The following ATP9A variants were observed in gnomAD, a reference collection of about 807,000 sequenced individuals.
ATP9A encodes the protein ATPase phospholipid transporting 9A.
Under a neutral mutation model 144.1 loss-of-function variants are expected in ATP9A, and 52 were observed. That is an observed-to-expected ratio of 0.36 (90% CI 0.29 to 0.45). The LOEUF (loss-of-function observed/expected upper bound fraction) is 0.45. Ranked by LOEUF, ATP9A falls within the 20% of genes least tolerant of loss-of-function variation. The pLI is 1.00. For missense variants in ATP9A, 947 were observed against 1,392.7 expected (o/e 0.68, Z 5.09); for synonymous variants, 582 against 557.4 (o/e 1.04, Z -0.62).
chr20:51,631,722 G>A (rs1481236665), intron 15 of ATP9A, among the ~76,000 whole-genome samples: 1 of 152,206 alleles, frequency 6.6e-6, no homozygotes, highest in Non-Finnish European at 1.5e-5. Flanking sequence ...TTTTAGTCCA[G>A]CAATGACAGC....
At chr20:51,636,575 G>A (rs1336942986) in intron 15 of ATP9A, among the ~76,000 whole-genome samples, 1 of 148,336 alleles carries the variant, frequency 6.7e-6, no homozygotes, top group East Asian at 1.9e-4. Context: ...TAGAGAGCTG[G>A]GAGCTGGAAG....
intron 1 of ATP9A, among the ~76,000 whole-genome samples, chr20:51,765,575 C>T (rs1389915876): frequency 6.9e-6 from 1 of 145,316 alleles, no homozygotes; most frequent in Non-Finnish European, 1.5e-5. Context: ...TCGCTTGAAC[C>T]TGGAATGCGG....
At chr20:51,651,033 C>A (rs2077362132) in intron 14 of ATP9A, among the ~76,000 whole-genome samples, 1 of 149,830 alleles carries the variant, frequency 6.7e-6, no homozygotes, top group Admixed American at 6.8e-5. Context: ...GGCTCGAGTG[C>A]AGTGGTGCAA....
At chr20:51,669,966 T>C (rs745329909) in intron 13 of ATP9A, 31 bp downstream of exon 13, 1 of 1,492,082 alleles carries the variant, frequency 6.7e-7, no homozygotes, top group Non-Finnish European at 9.3e-7. Flanking sequence ...AGTCAAAGAA[T>C]TGTTTTGGGT....
intron 4 of ATP9A, among the ~76,000 whole-genome samples, chr20:51,705,381 G>A (rs1363545718): frequency 1.3e-5 from 2 of 152,170 alleles, no homozygotes; most frequent in Non-Finnish European, 2.9e-5. Context: ...ATGAGAAAGA[G>A]TAAGCAGAGA....
At chr20:51,724,412 T>C (rs1236009393) in intron 3 of ATP9A, among the ~76,000 whole-genome samples, 1 of 152,162 alleles carries the variant, frequency 6.6e-6, no homozygotes, top group East Asian at 1.9e-4. Context: ...CACTGCCCCC[T>C]GGAATAGTCT....
At chr20:51,731,185 T>G (rs1382603991) in intron 1 of ATP9A, among the ~76,000 whole-genome samples, 1 of 151,700 alleles carries the variant, frequency 6.6e-6, no homozygotes, top group African/African-American at 2.4e-5. Flanking sequence ...GCGCCTATAA[T>G]CCCAGCTACT....
At chr20:51,707,421 C>A (rs1464117977) in intron 4 of ATP9A, among the ~76,000 whole-genome samples, 1 of 152,142 alleles carries the variant, frequency 6.6e-6, no homozygotes, top group Non-Finnish European at 1.5e-5. Context: ...ATGCCTGCTT[C>A]AATACCATCC....
At position 51,768,306 on chromosome 20, in the gene ATP9A, C is replaced by T; in HGVS notation, c.64G>A (p.Ala22Thr). 1.5e-6 allele frequency: 2 copies of T among 1,302,356 alleles called. No homozygotes were observed. The highest frequency in any genetic ancestry group is 2.2e-4 in the Middle Eastern group (1 of 4,590). 80.7% of individuals were successfully genotyped at this position (1,302,356 alleles called of 1,614,324 possible). The part of the protein sequence containing the change: ...QKKRMDSRPR[A>T]GCCEWLRCCG... ...CACGGGCCCAGGCCCACTCACCCGG[C>T]GCGGGGCCTGCTGTCCATCCGCTTC... Residue 22 changes from alanine (A) to threonine (T), a missense_variant, in exon 1 of 28, where the codon GCC (alanine) becomes ACC (threonine). Coordinates refer to ENST00000338821, the MANE Select transcript of ATP9A (RefSeq NM_006045.3).
chr20:51,631,109 T>C (rs1282391767), intron 15 of ATP9A, among the ~76,000 whole-genome samples: 1 of 152,226 alleles, frequency 6.6e-6, no homozygotes, highest in Non-Finnish European at 1.5e-5. Flanking sequence ...GGTTTCAGGC[T>C]CCTTTGGAGG....
chr20:51,746,740 G>C (rs1451035352), intron 1 of ATP9A, among the ~76,000 whole-genome samples: 1 of 152,224 alleles, frequency 6.6e-6, no homozygotes, highest in Non-Finnish European at 1.5e-5. Flanking sequence ...TCAGGAGGCT[G>C]AGGAAGGAGA....
At chr20:51,715,507 C>T (rs958507354) in intron 3 of ATP9A, among the ~76,000 whole-genome samples, 5 of 152,146 alleles carry the variant, frequency 3.3e-5, no homozygotes, top group South Asian at 2.1e-4. Flanking sequence ...TTTCTCTCTG[C>T]GTGGGCCTGG....
chr20:51,618,780 C>T lies in ATP9A; in HGVS notation c.2232G>A (p.Glu744=), dbSNP rs777321220. 7 of 1,602,124 alleles carry T rather than the reference C, an allele frequency of 4.4e-6. No individual in the cohort carries two copies. The Admixed American group carries it at 6.8e-5, about 16-fold the overall frequency. The change falls in exon 21 of 28, where the codon GAG becomes GAA. Residue 744 remains glutamate (E), a synonymous_variant. Coordinates refer to ENST00000338821, the MANE Select transcript of ATP9A (RefSeq NM_006045.3). ...LEVCLKYYEY[E]FMELACQCPA... is the part of the protein sequence containing the mutation. Reference sequence around the variant, plus strand: ...GGCACTGGCAGGCCAGCTCCATGAACTCGTACTCATAGTACTTGAGGCAAA... The same window carrying T: ...GGCACTGGCAGGCCAGCTCCATGAATTCGTACTCATAGTACTTGAGGCAAA...
chr20:51,605,040 G>A lies in ATP9A; in HGVS notation c.2804-20C>T. 6.3e-7 allele frequency: 1 copy of A among 1,576,218 alleles called. No homozygotes were observed. Among genetic ancestry groups the A allele is most frequent in the Non-Finnish European group, 8.6e-7 (1 of 1,159,258 alleles). On this transcript the variant is annotated intron_variant, in intron 26 of 27. Coordinates refer to ENST00000338821, the MANE Select transcript of ATP9A (RefSeq NM_006045.3). ...TGCTCCCTGCAAACACCAGAGAAGG[G>A]TATTCCCCTCACCCTCCCTGCGAAA...
intron 18 of ATP9A, among the ~76,000 whole-genome samples, chr20:51,622,695 C>T (rs1402315365): frequency 6.6e-6 from 1 of 152,202 alleles, no homozygotes; most frequent in Non-Finnish European, 1.5e-5. Context: ...CTGCATTTCT[C>T]TGCTGTGGGC....
intron 8 of ATP9A, among the ~76,000 whole-genome samples, chr20:51,689,713 C>T (rs979658681): frequency 2.0e-5 from 3 of 151,772 alleles, no homozygotes; most frequent in East Asian, 2.0e-4. Flanking sequence ...TGAGCCACCA[C>T]GCCAGGCCTC....
chr20:51,622,234 A>T (rs1315962962), intron 18 of ATP9A, 62 bp from the exon 19 acceptor site: 1 of 1,341,694 alleles, frequency 7.5e-7, no homozygotes, highest in Non-Finnish European at 1.1e-6. Context: ...TGTCATCTGC[A>T]ACAGCTGAGT....
chr20:51,613,737 C>T lies in ATP9A; in HGVS notation c.2511G>A (p.Lys837=), dbSNP rs2077192825. 2 of 1,614,076 alleles carry T rather than the reference C, an allele frequency of 1.2e-6. No homozygotes were observed. Among genetic ancestry groups the T allele is most frequent in the Non-Finnish European group, 1.7e-6 (2 of 1,180,040 alleles). The change falls in exon 23 of 28, where the codon AAG becomes AAA. Residue 837 remains lysine (K), a synonymous_variant. Transcript: ENST00000338821. ...CGAACTGGCTGAGGGCGGCTGACCG[C>T]TTGTAGCTGTTCCGGCCATGCACCA... ...LLMVHGRNSY[K]RSAALSQFVI...
At chr20:51,765,882 A>G in intron 1 of ATP9A, among the ~76,000 whole-genome samples, 1 of 152,080 alleles carries the variant, frequency 6.6e-6, no homozygotes, top group Non-Finnish European at 1.5e-5. Flanking sequence ...GCTTGAACCC[A>G]GGAGGCAGAG....
Sources: allele counts gnomAD v4.1 joint callset (sites outside exome capture counted in the v4.1 genomes callset), GRCh38; gene constraint gnomAD v4.1.1; transcripts MANE v1.5; gene names NCBI Gene and HGNC (gene_info 2026-07-23, HGNC 2026-07-21).